Variants in MMS22L observed in about 807,000 individuals in gnomAD.
MMS22L encodes protein MMS22-like.
A neutral mutation model predicts 159.1 loss-of-function variants in MMS22L; 74 were observed. The ratio of observed to expected loss-of-function variants is 0.47; its 90% confidence interval spans 0.39 to 0.56. MMS22L has a LOEUF of 0.56. Ranked by LOEUF, MMS22L falls within the 20% of genes least tolerant of loss-of-function variation. The pLI is 0.00. For synonymous variants in MMS22L, 517 were observed against 506.9 expected (o/e 1.02, Z -0.27); for missense variants, 1,351 against 1,422.1 (o/e 0.95, Z 0.80).
intron 24 of MMS22L, among the ~76,000 whole-genome samples, chr6:97,149,360 T>C (rs1801099771): frequency 1.3e-5 from 2 of 152,178 alleles, no homozygotes; most frequent in African/African-American, 2.4e-5. Flanking sequence ...AGTTGAGTTA[T>C]GAGCCTATTA....
At position 97,143,450 on chromosome 6, in the gene MMS22L, A is replaced by G. The variant is rs1800731907; in HGVS notation, c.*3356T>C. The G allele has an allele frequency of 6.6e-6, 1 of 152,212 alleles. No homozygotes were observed. Among genetic ancestry groups the G allele is most frequent in the Admixed American group, 6.5e-5 (1 of 15,278 alleles). The allele number at this position is 152,212 out of a possible 1,614,324, so 9.4% of individuals were successfully genotyped here. ...GGGTTTGAACATCACCTTATAAACA[A>G]TGGTAAGTTACTGGAAGTCCTCGAG... On this transcript the variant is annotated 3_prime_UTR_variant, in exon 25 of 25. Transcript: ENST00000683635.
intron 14 of MMS22L, among the ~76,000 whole-genome samples, chr6:97,197,364 AAG>A (rs1806640736): frequency 6.6e-6 from 1 of 151,938 alleles, no homozygotes; most frequent in Admixed American, 6.5e-5. Context: ...ACGAAAGTAA[AAG>A]AGGGGGAGAT....
intron 14 of MMS22L, among the ~76,000 whole-genome samples, chr6:97,223,293 G>C (rs1460908889): frequency 1.3e-5 from 2 of 151,408 alleles, no homozygotes; most frequent in Non-Finnish European, 3.0e-5. Flanking sequence ...GCAAGGACTG[G>C]TACCTATTCC....
chr6:97,277,246 C>G (rs1816322968), intron 4 of MMS22L, among the ~76,000 whole-genome samples: 2 of 151,974 alleles, frequency 1.3e-5, no homozygotes, highest in African/African-American at 2.4e-5. Flanking sequence ...AACCCCATCT[C>G]CACCAAAAAT....
At chr6:97,230,802 C>T (rs887448253) in intron 13 of MMS22L, 5 of 152,356 alleles carry the variant, frequency 3.3e-5, no homozygotes, top group African/African-American at 1.2e-4. Context: ...TATCACCATA[C>T]CCTTATAAGA....
rs1342071292 is a variant in MMS22L, at chr6:97,181,966, A to T, written c.2322T>A (p.Gly774=). 6.2e-7 allele frequency: 1 copy of T among 1,613,688 alleles called. No homozygotes were observed. Among genetic ancestry groups the T allele is most frequent in the Admixed American group, 1.7e-5 (1 of 59,994 alleles). The change falls in exon 16 of 25, where the codon GGT becomes GGA. Residue 774 remains glycine, a synonymous_variant. Coordinates refer to ENST00000683635, the MANE Select transcript of MMS22L (RefSeq NM_001350599.2). ...CTTGAGGGCAGATGATATCATCCCAACCAAAAAGTTGAATAATTGATATAA... is the reference window on the plus strand; with the variant it reads ...CTTGAGGGCAGATGATATCATCCCATCCAAAAAGTTGAATAATTGATATAA... ...QPVISIIQLF[G]WDDIICPQVV...
chr6:97,178,600 T>C lies in MMS22L; in HGVS notation c.2537-15A>G, dbSNP rs1804361920. 1.5e-6 allele frequency: 2 copies of C among 1,360,922 alleles called. No individual in the cohort carries two copies. Among genetic ancestry groups the C allele is most frequent in the Non-Finnish European group, 2.0e-6 (2 of 988,782 alleles). 84.3% of individuals were successfully genotyped at this position (1,360,922 alleles called of 1,614,324 possible). A position where few individuals can be genotyped will look rare whatever the true frequency, so the allele number is the denominator to read the frequency against. On this transcript the variant is annotated splice_polypyrimidine_tract_variant and intron_variant, in intron 17 of 24. Transcript: ENST00000683635. Reference sequence around the variant, plus strand: ...GTACTCTTTTTCTGTTAAAATAAAATAGTATTTGTTATATCAATTTATATA... The same window carrying C: ...GTACTCTTTTTCTGTTAAAATAAAACAGTATTTGTTATATCAATTTATATA...
intron 14 of MMS22L, among the ~76,000 whole-genome samples, chr6:97,202,927 T>C (rs970727023): frequency 2.0e-5 from 3 of 152,228 alleles, no homozygotes; most frequent in Non-Finnish European, 4.4e-5. Flanking sequence ...TCATTAATGT[T>C]GGCAGTTGAG....
intron 11 of MMS22L, among the ~76,000 whole-genome samples, chr6:97,241,280 G>A (rs1812037386): frequency 6.6e-6 from 1 of 152,162 alleles, no homozygotes; most frequent in Non-Finnish European, 1.5e-5. Flanking sequence ...GCATGTGCAA[G>A]TGTTTCATAA....
At chr6:97,240,687 C>A (rs974634874) in intron 11 of MMS22L, among the ~76,000 whole-genome samples, 1 of 151,002 alleles carries the variant, frequency 6.6e-6, no homozygotes, top group African/African-American at 2.4e-5. Flanking sequence ...AGTGCAATGG[C>A]GTGATCTTGG....
chr6:97,249,314 T>C (rs1268631986), intron 10 of MMS22L, among the ~76,000 whole-genome samples: 1 of 152,218 alleles, frequency 6.6e-6, no homozygotes, highest in African/African-American at 2.4e-5. Flanking sequence ...GCCTATGCCC[T>C]TCTTCCCTTG....
intron 20 of MMS22L, among the ~76,000 whole-genome samples, chr6:97,166,440 G>A (rs1164079433): frequency 6.6e-6 from 1 of 151,924 alleles, no homozygotes; most frequent in East Asian, 1.9e-4. Flanking sequence ...AATTCTGAAA[G>A]TTTATTTGTA....
At chr6:97,186,405 C>T (rs1805232652) in intron 15 of MMS22L, 92 bp downstream of exon 15, 1 of 994,090 alleles carries the variant, frequency 1.0e-6, no homozygotes, top group Non-Finnish European at 1.4e-6. Flanking sequence ...AAAATGTTTG[C>T]TATACAAGAG....
intron 9 of MMS22L, among the ~76,000 whole-genome samples, chr6:97,256,761 G>GCT (rs1813857690): frequency 6.6e-6 from 1 of 152,030 alleles, no homozygotes; most frequent in Non-Finnish European, 1.5e-5. Context: ...GACCAACCTG[G>GCT]GCAGACCAGT....
At chr6:97,207,429 C>G (rs1807901983) in intron 14 of MMS22L, among the ~76,000 whole-genome samples, 1 of 152,066 alleles carries the variant, frequency 6.6e-6, no homozygotes, top group Admixed American at 6.6e-5. Flanking sequence ...ATATTTCTGG[C>G]CTAAAAACAT....
rs1220358746 is a variant in MMS22L, at chr6:97,144,403, T to A, written c.*2403A>T. 1 of 152,182 alleles carries A rather than the reference T, an allele frequency of 6.6e-6. No individual in the cohort carries two copies. The highest frequency in any genetic ancestry group is 1.5e-5 in the Non-Finnish European group (1 of 68,036). The allele number at this position is 152,182 out of a possible 1,614,324, so 9.4% of individuals were successfully genotyped here. A position where few individuals can be genotyped will look rare whatever the true frequency, so the allele number is the denominator to read the frequency against. ...ATTTTGCATCCCACAAATACTGTAT[T>A]TTAGATCCACATATAAGTGGACCTG... On this transcript the variant is annotated 3_prime_UTR_variant, in exon 25 of 25. Coordinates refer to ENST00000683635, the MANE Select transcript of MMS22L (RefSeq NM_001350599.2).
Position 97,231,491 on chromosome 6 carries a change from C to A in MMS22L, c.1464G>T (p.Leu488=), listed in dbSNP as rs764127210. 6.2e-7 allele frequency: 1 copy of A among 1,613,678 alleles called. No homozygotes were observed. The highest frequency in any genetic ancestry group is 8.5e-7 in the Non-Finnish European group (1 of 1,179,836). ...SSSYTIFLCI[L]AKVVKKAMKS... is the part of the protein sequence containing the mutation. ...TCATTGCTTTTTTAACAACTTTTGC[C>A]AGAATACAAAGAAAAATAGTATAAC... The change falls in exon 13 of 25, where the codon CTG becomes CTT. Residue 488 remains leucine (L), a synonymous_variant. Transcript: ENST00000683635.
At chr6:97,236,947 C>T (rs1396453688) in intron 11 of MMS22L, among the ~76,000 whole-genome samples, 1 of 147,868 alleles carries the variant, frequency 6.8e-6, no homozygotes, top group African/African-American at 2.5e-5. Flanking sequence ...CGAGACTCCG[C>T]CTCAGAAAAA....
chr6:97,150,592 A>G (rs1410939799), intron 23 of MMS22L, among the ~76,000 whole-genome samples: 5 of 152,216 alleles, frequency 3.3e-5, no homozygotes, highest in Non-Finnish European at 7.3e-5. Flanking sequence ...CACCTCGCTT[A>G]GTAAATTATA....
Sources: gnomAD v4.1 joint callset for allele counts (sites outside exome capture counted in the v4.1 genomes callset) on GRCh38, gnomAD v4.1.1 for gene constraint, MANE v1.5 for transcripts, NCBI Gene and HGNC (gene_info 2026-07-23, HGNC 2026-07-21) for gene names.